KLHL2: variants seen among roughly 807,000 people sequenced by gnomAD.
The protein encoded by KLHL2 is kelch like family member 2.
A neutral mutation model predicts 75.8 loss-of-function variants in KLHL2; 15 were observed. The observed-to-expected ratio is 0.20, with a 90% confidence interval of 0.13 to 0.30. KLHL2 has a LOEUF of 0.30. Among genes scored for constraint, KLHL2 ranks in the 10% least tolerant of loss-of-function variants. The pLI is 1.00. For missense variants in KLHL2, 381 were observed against 741.0 expected (o/e 0.51, Z 5.64); for synonymous variants, 214 against 251.9 (o/e 0.85, Z 1.42).
At chr4:165,318,629 A>G (rs1419181642) in intron 14 of KLHL2, among the ~76,000 whole-genome samples, 1 of 152,094 alleles carries the variant, frequency 6.6e-6, no homozygotes, top group East Asian at 1.9e-4. Context: ...TATGTACAGT[A>G]GAATTCCAGT....
intron 3 of KLHL2, among the ~76,000 whole-genome samples, chr4:165,232,282 C>T (rs1234555499): frequency 6.6e-6 from 1 of 151,786 alleles, no homozygotes; most frequent in Non-Finnish European, 1.5e-5. Context: ...AAAAAATTAG[C>T]CGGGCGTGGT....
At position 165,241,860 on chromosome 4, in the gene KLHL2, A is replaced by C. The variant is rs1248542751; in HGVS notation, c.381+2961A>C. On this transcript the variant is annotated intron_variant, in intron 4 of 14. Transcript: ENST00000226725. ...GTGAAGGTTGTTAACTTGGAGTCAG[A>C]ATGAGGGAATGAGTAATTTAAAAAA... Among the ~76,000 whole-genome samples the C allele has an allele frequency of 4.6e-5, 7 of 152,286 alleles. No individual in the cohort carries two copies. In the East Asian group the frequency reaches 1.4e-3, roughly 29 times the overall value.
intron 5 of KLHL2, among the ~76,000 whole-genome samples, chr4:165,284,677 G>A (rs1215036000): frequency 1.3e-5 from 2 of 152,016 alleles, no homozygotes; most frequent in Non-Finnish European, 2.9e-5. Flanking sequence ...TTCCAAAGTC[G>A]CTTCCGCATT....
intron 5 of KLHL2, among the ~76,000 whole-genome samples, chr4:165,286,661 C>T (rs1156503038): frequency 2.0e-5 from 3 of 152,104 alleles, no homozygotes; most frequent in Non-Finnish European, 4.4e-5. Flanking sequence ...AAAATTGAGC[C>T]AGAGGCTATG....
chr4:165,316,232 C>T (rs1746579255), intron 13 of KLHL2, among the ~76,000 whole-genome samples: 1 of 152,136 alleles, frequency 6.6e-6, no homozygotes, highest in South Asian at 2.1e-4. Flanking sequence ...ATCTGTGAGC[C>T]CCTCATAGAT....
At chr4:165,241,841 G>T (rs957600130) in intron 4 of KLHL2, among the ~76,000 whole-genome samples, 16 of 151,936 alleles carry the variant, frequency 1.1e-4, no homozygotes, top group Admixed American at 6.6e-4. Context: ...TGAAGTGAAG[G>T]TTGTTAACTT....
At chr4:165,291,377 T>C (rs1215688046) in intron 5 of KLHL2, among the ~76,000 whole-genome samples, 3 of 152,194 alleles carry the variant, frequency 2.0e-5, no homozygotes, top group Non-Finnish European at 2.9e-5. Flanking sequence ...GATAATACTT[T>C]TGATGTTGTA....
chr4:165,291,858 G>A (rs188094150), intron 5 of KLHL2, among the ~76,000 whole-genome samples: 14 of 151,730 alleles, frequency 9.2e-5, no homozygotes, highest in East Asian at 7.8e-4. Context: ...GAGACAAGCC[G>A]TTACCCAGTT....
At chr4:165,252,997 G>A (rs1366325551) in intron 4 of KLHL2, among the ~76,000 whole-genome samples, 1 of 152,048 alleles carries the variant, frequency 6.6e-6, no homozygotes, top group African/African-American at 2.4e-5. Flanking sequence ...TATTAATATT[G>A]GCATATAACA....
chr4:165,294,807 T>C (rs181907804), intron 6 of KLHL2, among the ~76,000 whole-genome samples: 8 of 152,356 alleles, frequency 5.3e-5, no homozygotes, highest in Admixed American at 4.6e-4. Flanking sequence ...AACTAGTTTC[T>C]TCCTACAACT....
At chr4:165,249,457 G>C (rs533387640) in intron 4 of KLHL2, among the ~76,000 whole-genome samples, 1 of 152,298 alleles carries the variant, frequency 6.6e-6, no homozygotes, top group South Asian at 2.1e-4. Flanking sequence ...GGAATCACAA[G>C]GAAAGGGAAT....
chr4:165,238,699 A>G, intron 3 of KLHL2, 79 bp from the exon 4 acceptor site: 1 of 1,592,126 alleles, frequency 6.3e-7, no homozygotes, highest in Non-Finnish European at 8.5e-7. Context: ...TGGCAAGAAG[A>G]TGTATCAATC....
At chr4:165,282,058 G>A (rs1333976707) in intron 5 of KLHL2, among the ~76,000 whole-genome samples, 3 of 152,208 alleles carry the variant, frequency 2.0e-5, no homozygotes, top group African/African-American at 7.2e-5. Context: ...GATAGGTTTG[G>A]AAGCAATAAT....
intron 4 of KLHL2, among the ~76,000 whole-genome samples, chr4:165,259,335 C>A (rs1386923740): frequency 6.6e-6 from 1 of 152,148 alleles, no homozygotes; most frequent in Non-Finnish European, 1.5e-5. Context: ...ACTCCTACTC[C>A]TGACCTCAAA....
chr4:165,305,480 T>G (rs964514633), intron 8 of KLHL2, 128 bp from the exon 9 acceptor site: 21 of 718,870 alleles, frequency 2.9e-5, no homozygotes, highest in Non-Finnish European at 3.2e-5. Context: ...TGGTTAGATG[T>G]TTGTATTCGC....
intron 8 of KLHL2, among the ~76,000 whole-genome samples, chr4:165,300,260 A>T (rs185282708): frequency 3.2e-3 from 480 of 151,872 alleles, no homozygotes; most frequent in Admixed American, 5.6e-3. Context: ...ACTGCACTCC[A>T]GTCTGGGCAA....
chr4:165,211,133 G>T (rs1737174487), intron 1 of KLHL2, among the ~76,000 whole-genome samples: 1 of 151,900 alleles, frequency 6.6e-6, no homozygotes, highest in African/African-American at 2.4e-5. Flanking sequence ...TTAGAGCAGA[G>T]GTTCTCACAT....
intron 1 of KLHL2, among the ~76,000 whole-genome samples, chr4:165,219,106 T>G (rs1737780098): frequency 6.6e-6 from 1 of 151,858 alleles, no homozygotes; most frequent in South Asian, 2.1e-4. Context: ...TAATTTTATG[T>G]CCTAAGTCTT....
chr4:165,220,156 G>A, intron 2 of KLHL2, 97 bp downstream of exon 2: 1 of 1,306,146 alleles, frequency 7.7e-7, no homozygotes, highest in Middle Eastern at 2.3e-4. Flanking sequence ...TTGTTGCTTT[G>A]TCTGGTACAC....
Sources: gnomAD v4.1 joint callset for allele counts (sites outside exome capture counted in the v4.1 genomes callset) on GRCh38, gnomAD v4.1.1 for gene constraint, MANE v1.5 for transcripts, NCBI Gene and HGNC (gene_info 2026-07-23, HGNC 2026-07-21) for gene names.